Variants in AQP9 observed in about 807,000 individuals in gnomAD.
The protein encoded by AQP9 is aquaporin-9.
A neutral mutation model predicts 23.8 loss-of-function variants in AQP9; 19 were observed. That is an observed-to-expected ratio of 0.80 (90% CI 0.56 to 1.17). The LOEUF (loss-of-function observed/expected upper bound fraction) is 1.17. Ranked by LOEUF, AQP9 falls within the 50% of genes most tolerant of loss-of-function variation. The probability of loss-of-function intolerance (pLI) is 0.00; values close to 1 mark genes in which losing one functional copy is unlikely to be tolerated. For synonymous variants in AQP9, 153 were observed against 131.5 expected (o/e 1.16, Z -1.12); for missense variants, 413 against 362.0 (o/e 1.14, Z -1.14).
chr15:58,156,229 G>A (rs1422887384), intron 1 of AQP9, among the ~76,000 whole-genome samples: 16 of 152,054 alleles, frequency 1.1e-4, no homozygotes, highest in African/African-American at 3.6e-4. Flanking sequence ...CACTTTAACT[G>A]CTATGTCAGT....
chr15:58,173,112 G>T lies in AQP9; in HGVS notation c.283G>T (p.Gly95Ter). ...PAVSLAMCLFGRMKWFKLPFY... is the reference protein window; with the variant it reads ...PAVSLAMCLF ...TGTGTCTTTAGCAATGTGTCTCTTT[G>T]GACGGATGAAATGGTTCAAATTGCC... Residue 95 changes from glycine (G) to a stop codon, truncating the protein, a stop_gained, in exon 3 of 6, where the codon GGA becomes TGA. Coordinates refer to ENST00000219919, the MANE Select transcript of AQP9 (RefSeq NM_020980.5). LOFTEE classifies it high-confidence loss of function. The T allele has an allele frequency of 6.2e-7, 1 of 1,613,950 alleles. No homozygotes were observed. Among genetic ancestry groups the T allele is most frequent in the Non-Finnish European group, 8.5e-7 (1 of 1,179,878 alleles).
intron 5 of AQP9, 28 bp downstream of exon 5, chr15:58,179,373 GAC>G (rs1898832333): frequency 6.3e-7 from 1 of 1,584,832 alleles, no homozygotes; most frequent in South Asian, 1.1e-5. Context: ...GGAAGAGAGA[GAC>G]AGAGTCATGC....
chr15:58,150,323 T>A (rs1898125272), intron 1 of AQP9: 1 of 152,672 alleles, frequency 6.5e-6, no homozygotes, highest in African/African-American at 2.4e-5. Context: ...AGTTTCAGAA[T>A]ATTCCAAGGC....
At chr15:58,142,985 A>C (rs1897977515) in intron 1 of AQP9, among the ~76,000 whole-genome samples, 1 of 152,136 alleles carries the variant, frequency 6.6e-6, no homozygotes, top group African/African-American at 2.4e-5. Flanking sequence ...CTCGCTCAGA[A>C]ACTTTGGAAT....
chr15:58,181,733 G>T (rs1362695146), intron 5 of AQP9, among the ~76,000 whole-genome samples: 1 of 152,126 alleles, frequency 6.6e-6, no homozygotes, highest in African/African-American at 2.4e-5. Context: ...CAGAAGTTTG[G>T]CAGGTTTAGA....
At chr15:58,157,476 A>C (rs1352555726) in intron 1 of AQP9, among the ~76,000 whole-genome samples, 1 of 152,106 alleles carries the variant, frequency 6.6e-6, no homozygotes, top group African/African-American at 2.4e-5. Context: ...GAGTTGGGGG[A>C]ACTGTTCAAC....
intron 4 of AQP9, among the ~76,000 whole-genome samples, chr15:58,177,864 T>G (rs1268215740): frequency 6.6e-6 from 1 of 152,224 alleles, no homozygotes; most frequent in Non-Finnish European, 1.5e-5. Context: ...TATTATCATT[T>G]TTGTTTATTG....
rs1300432730 is a variant in AQP9, at chr15:58,185,141, T to G, written c.*1006T>G. 6.6e-6 allele frequency: 1 copy of G among 152,198 alleles called. No individual in the cohort carries two copies. The highest frequency in any genetic ancestry group is 1.9e-4 in the East Asian group (1 of 5,192). The allele number at this position is 152,198 out of a possible 1,614,324, so 9.4% of individuals were successfully genotyped here. A position where few individuals can be genotyped will look rare whatever the true frequency, so the allele number is the denominator to read the frequency against. On this transcript the variant is annotated 3_prime_UTR_variant, in exon 6 of 6. Transcript: ENST00000219919. Reference sequence around the variant, plus strand: ...ACAAGGCACTTTCACACCCATTATCTAATTTAATCCTCATAATGACTATGT... The same window carrying G: ...ACAAGGCACTTTCACACCCATTATCGAATTTAATCCTCATAATGACTATGT...
At position 58,185,802 on chromosome 15, in the gene AQP9, G is replaced by A. The variant is rs990396937; in HGVS notation, c.*1667G>A. 1 of 152,138 alleles carries A rather than the reference G, an allele frequency of 6.6e-6. No individual in the cohort carries two copies. Among genetic ancestry groups the A allele is most frequent in the Non-Finnish European group, 1.5e-5 (1 of 68,036 alleles). The allele number at this position is 152,138 out of a possible 1,614,324, so 9.4% of individuals were successfully genotyped here. A position where few individuals can be genotyped will look rare whatever the true frequency, so the allele number is the denominator to read the frequency against. On this transcript the variant is annotated 3_prime_UTR_variant, in exon 6 of 6. Transcript: ENST00000219919. Reference sequence around the variant, plus strand: ...GAACAGCAGAAATTAAATGTGAAATGTTTCTGATGACTTATGTTCTACAAT... The same window carrying A: ...GAACAGCAGAAATTAAATGTGAAATATTTCTGATGACTTATGTTCTACAAT...
At position 58,162,409 on chromosome 15, in the gene AQP9, G is replaced by A. The variant is rs987076975; in HGVS notation, c.112-4264G>A. On this transcript the variant is annotated intron_variant, in intron 1 of 5. Transcript: ENST00000219919. ...GCTAATGAACAGAAATTACAGGAAG[G>A]AAGCCTCCAACTTCATGTAAGGAAG... Among the ~76,000 whole-genome samples, 4 of 152,168 alleles carry A rather than the reference G, an allele frequency of 2.6e-5. No individual in the cohort carries two copies. In the East Asian group the frequency reaches 5.8e-4, roughly 22 times the overall value.
chr15:58,158,355 G>A (rs375350913), intron 1 of AQP9, among the ~76,000 whole-genome samples: 1 of 152,092 alleles, frequency 6.6e-6, no homozygotes, highest in East Asian at 1.9e-4. Context: ...ATCAAATCCT[G>A]GTTCTCTCTC....
chr15:58,179,509 A>ATGTG (rs3052103), intron 5 of AQP9, among the ~76,000 whole-genome samples, 164 bp downstream of exon 5: 63,347 of 148,608 alleles, frequency 0.43, 14,567 homozygotes, highest in Admixed American at 0.58. Context: ...TTGTGGTATG[A>ATGTG]TGTGTGTGTG....
rs1209877122 is a variant in AQP9, at chr15:58,185,876, T to G, written c.*1741T>G. 6.6e-6 allele frequency: 1 copy of G among 152,272 alleles called. No homozygotes were observed. Among genetic ancestry groups the G allele is most frequent in the Non-Finnish European group, 1.5e-5 (1 of 68,054 alleles). 9.4% of individuals were successfully genotyped at this position (152,272 alleles called of 1,614,324 possible). On this transcript the variant is annotated 3_prime_UTR_variant, in exon 6 of 6. Transcript: ENST00000219919. ...TTCTTGCTTTGAAGCTACCTGGATA[T>G]TTCCTATTTGAAATAAAATTGTTCG... is the stretch of plus-strand genomic sequence containing the variant.
intron 1 of AQP9, among the ~76,000 whole-genome samples, chr15:58,165,659 T>TTTG: frequency 6.6e-6 from 1 of 152,320 alleles, no homozygotes; most frequent in East Asian, 1.9e-4. Context: ...TATTCTATTT[T>TTTG]TTTGTTTGTT....
intron 1 of AQP9, among the ~76,000 whole-genome samples, chr15:58,158,787 G>A (rs577367584): frequency 6.6e-6 from 1 of 152,092 alleles, no homozygotes; most frequent in East Asian, 1.9e-4. Context: ...TCCATTTTTG[G>A]ACAATGTTTG....
At position 58,157,088 on chromosome 15, in the gene AQP9, G is replaced by GAT. The variant is rs368733098; in HGVS notation, c.112-9584_112-9583dup. On this transcript the variant is annotated intron_variant, in intron 1 of 5. Transcript: ENST00000219919. ...TGTTGATTTAAAATGTGTTGCCACA[G>GAT]ATGCTCTTTTAATGCTTACTTCTGT... Among the ~76,000 whole-genome samples the GAT allele has an allele frequency of 6.5e-3, 983 of 152,274 alleles. 16 individuals carry two copies. Among genetic ancestry groups the GAT allele is most frequent in the African/African-American group, 0.023 (945 of 41,548 alleles).
chr15:58,158,265 T>C (rs1224892980), intron 1 of AQP9, among the ~76,000 whole-genome samples: 1 of 152,168 alleles, frequency 6.6e-6, no homozygotes, highest in Non-Finnish European at 1.5e-5. Context: ...CTTGGGGGCA[T>C]TGGTTGCATC....
Position 58,182,543 on chromosome 15 carries a change from A to G in AQP9, c.714-1418A>G, listed in dbSNP as rs983594416. Among the ~76,000 whole-genome samples the G allele has an allele frequency of 3.3e-5, 5 of 152,306 alleles. 1 individual carries two copies. The South Asian group carries it at 1.0e-3, about 32-fold the overall frequency. On this transcript the variant is annotated intron_variant, in intron 5 of 5. Transcript: ENST00000219919. ...AATTTGCCATAAAAGGAAATGATGG[A>G]CCCAACAGGTAGCTTATACTCCCTT...
intron 1 of AQP9, among the ~76,000 whole-genome samples, chr15:58,142,393 C>T (rs1170670330): frequency 2.0e-5 from 3 of 152,144 alleles, no homozygotes; most frequent in Non-Finnish European, 2.9e-5. Flanking sequence ...AAAGCCCAAG[C>T]GAACTTGACA....
Sources: allele counts gnomAD v4.1 joint callset (sites outside exome capture counted in the v4.1 genomes callset), GRCh38; gene constraint gnomAD v4.1.1; transcripts MANE v1.5; gene names NCBI Gene and HGNC (gene_info 2026-07-23, HGNC 2026-07-21).